SGCD: variants seen among roughly 807,000 people sequenced by gnomAD.
SGCD encodes delta-sarcoglycan.
A neutral mutation model predicts 36.6 loss-of-function variants in SGCD; 18 were observed. The observed-to-expected ratio is 0.49, with a 90% CI of 0.34 to 0.73. SGCD has a LOEUF of 0.73. SGCD is among the 30% of genes least tolerant of loss of function. The pLI is 0.01. For synonymous variants in SGCD, 133 were observed against 130.6 expected, an observed-to-expected ratio of 1.02 and a Z score of -0.12; for missense variants, 387 against 346.7, an observed-to-expected ratio of 1.12 and a Z score of -0.92.
At chr5:156,384,140 A>C (rs1771145936) in intron 3 of SGCD, among the ~76,000 whole-genome samples, 2 of 152,212 alleles carry the variant, frequency 1.3e-5, no homozygotes. Context: ...CAATGCCAGA[A>C]AGAGACAAGA....
In SGCD at chr5:156,311,905, A is replaced by G. The variant is rs1767398464; in HGVS notation, c.-43-17629A>G. Among the ~76,000 whole-genome samples, 6 of 152,348 alleles carry G rather than the reference A, an allele frequency of 3.9e-5. No individual in the cohort carries two copies. The South Asian group carries it at 1.2e-3, about 32-fold the overall frequency. On this transcript the variant is annotated intron_variant, in intron 3 of 9. Transcript: ENST00000517913. ...TAGTTATTTGAAGTTAGCAAATGCT[A>G]CAAACAGAGCTTTTATATTTTTTAT... is the stretch of plus-strand genomic sequence containing the variant.
chr5:156,219,368 C>T (rs1764659794), intron 3 of SGCD, among the ~76,000 whole-genome samples: 1 of 152,060 alleles, frequency 6.6e-6, no homozygotes, highest in Non-Finnish European at 1.5e-5. Context: ...CATATAAATA[C>T]ACATATATAC....
At chr5:156,617,640 G>A (rs1437366005) in intron 6 of SGCD, among the ~76,000 whole-genome samples, 2 of 152,126 alleles carry the variant, frequency 1.3e-5, no homozygotes, top group South Asian at 2.1e-4. Flanking sequence ...CTGAGGAGAG[G>A]GATCAGAGAG....
intron 3 of SGCD, among the ~76,000 whole-genome samples, chr5:156,145,283 C>T (rs1025770249): frequency 2.3e-4 from 35 of 152,180 alleles, no homozygotes; most frequent in African/African-American, 7.2e-4. Context: ...TTCTGGCTCC[C>T]CCTTCTCCTT....
chr5:155,962,586 G>C (rs1757813403), intron 1 of SGCD, among the ~76,000 whole-genome samples: 1 of 152,128 alleles, frequency 6.6e-6, no homozygotes, highest in Non-Finnish European at 1.5e-5. Context: ...AAAGCAATGA[G>C]CTGTGCTTCA....
intron 7 of SGCD, among the ~76,000 whole-genome samples, chr5:156,743,620 C>G (rs1408211678): frequency 1.3e-5 from 2 of 152,118 alleles, no homozygotes; most frequent in Non-Finnish European, 2.9e-5. Context: ...TTGTAATGGC[C>G]AAGCTTGCCT....
At chr5:155,869,217 A>G (rs1755583689), upstream of SGCD, among the ~76,000 whole-genome samples, 1 of 152,154 alleles carries the variant, frequency 6.6e-6, no homozygotes. Context: ...AAGCAACCCT[A>G]CTTGAAGGCA....
intron 1 of SGCD, among the ~76,000 whole-genome samples, chr5:155,897,885 G>A (rs1278407596): frequency 6.6e-6 from 1 of 152,120 alleles, no homozygotes; most frequent in Non-Finnish European, 1.5e-5. Flanking sequence ...AAACTGACTT[G>A]TTCCTTCTAC....
intron 8 of SGCD, chr5:156,757,975 A>G: frequency 8.0e-7 from 1 of 1,243,316 alleles, no homozygotes; most frequent in Non-Finnish European, 1.0e-6. Flanking sequence ...GCTATTTTCA[A>G]ATTCTCTCTT....
At chr5:156,579,783 C>T (rs1483800255) in intron 4 of SGCD, among the ~76,000 whole-genome samples, 1 of 152,024 alleles carries the variant, frequency 6.6e-6, no homozygotes, top group African/African-American at 2.4e-5. Flanking sequence ...TTCCTCCATC[C>T]CCTTATTTTG....
intron 1 of SGCD, among the ~76,000 whole-genome samples, chr5:155,890,480 C>T (rs1756098763): frequency 6.6e-6 from 1 of 151,794 alleles, no homozygotes; most frequent in Non-Finnish European, 1.5e-5. Flanking sequence ...CAAAATTTTG[C>T]CAGAAATAGT....
intron 3 of SGCD, among the ~76,000 whole-genome samples, chr5:156,202,110 C>T (rs1300768438): frequency 1.3e-5 from 2 of 152,154 alleles, no homozygotes; most frequent in Admixed American, 6.6e-5. Flanking sequence ...CTGGTTGCCT[C>T]TTTGTTGGAG....
chr5:156,290,828 C>T (rs1403870879), intron 3 of SGCD, among the ~76,000 whole-genome samples: 1 of 152,074 alleles, frequency 6.6e-6, no homozygotes, highest in Admixed American at 6.6e-5. Flanking sequence ...AATCCCTGAA[C>T]ACATCTGACT....
At chr5:156,070,514 G>C (rs1760513803) in intron 1 of SGCD, among the ~76,000 whole-genome samples, 1 of 150,270 alleles carries the variant, frequency 6.7e-6, no homozygotes, top group Admixed American at 6.6e-5. Flanking sequence ...TTTTTGATGT[G>C]CTGCTGGATT....
chr5:155,869,986 G>A (rs558030193), upstream of SGCD, among the ~76,000 whole-genome samples: 13 of 141,782 alleles, frequency 9.2e-5, no homozygotes, highest in African/African-American at 3.4e-4. Context: ...AAGGCAGAGC[G>A]AGACTCCGTC....
the SGCD span, among the ~76,000 whole-genome samples, chr5:155,769,567 T>C: frequency 6.6e-6 from 1 of 152,080 alleles, no homozygotes; most frequent in Non-Finnish European, 1.5e-5. Flanking sequence ...ATGGAACCCA[T>C]TGTCTTCCTA....
At chr5:156,550,677 A>G (rs1188399804) in intron 4 of SGCD, among the ~76,000 whole-genome samples, 1 of 152,206 alleles carries the variant, frequency 6.6e-6, no homozygotes, top group Non-Finnish European at 1.5e-5. Context: ...ATAAAACATC[A>G]TTATTAGATT....
At chr5:156,445,655 A>T (rs959639517) in intron 3 of SGCD, among the ~76,000 whole-genome samples, 2 of 152,072 alleles carry the variant, frequency 1.3e-5, no homozygotes, top group African/African-American at 4.8e-5. Flanking sequence ...AAGTCACTTA[A>T]CCTCTCTGTG....
intron 3 of SGCD, among the ~76,000 whole-genome samples, chr5:156,212,737 A>G (rs1469779139): frequency 3.9e-5 from 6 of 152,122 alleles, no homozygotes; most frequent in Non-Finnish European, 7.4e-5. Context: ...TCTCGGATAG[A>G]TCACGTTAGG....
Sources: allele counts gnomAD v4.1 joint callset (sites outside exome capture counted in the v4.1 genomes callset), GRCh38; gene constraint gnomAD v4.1.1; transcripts MANE v1.5; gene names NCBI Gene and HGNC (gene_info 2026-07-23, HGNC 2026-07-21).